NRXN1: variants seen among roughly 807,000 people sequenced by gnomAD.
NRXN1 encodes the protein neurexin 1.
NRXN1 carries 39 observed loss-of-function variants against 150.9 expected under a neutral mutation model. That is an observed-to-expected ratio of 0.26 (90% confidence interval 0.20 to 0.34). NRXN1 has a LOEUF of 0.34. Ranked by LOEUF, NRXN1 falls within the 10% of genes least tolerant of loss-of-function variation. The probability of loss-of-function intolerance (pLI) is 1.00; values close to 1 mark genes in which losing one functional copy is unlikely to be tolerated. For synonymous variants in NRXN1, 924 were observed against 757.0 expected (o/e 1.22, Z -3.62); for missense variants, 1,815 against 1,949.9 (o/e 0.93, Z 1.30).
At chr2:50,514,651 G>A (rs2105069496) in intron 12 of NRXN1, among the ~76,000 whole-genome samples, 1 of 152,270 alleles carries the variant, frequency 6.6e-6, no homozygotes, top group South Asian at 2.1e-4. Flanking sequence ...CAATGTAAAA[G>A]CAAGCATAGA....
At chr2:50,669,869 C>G (rs1245832195) in intron 5 of NRXN1, among the ~76,000 whole-genome samples, 1 of 134,650 alleles carries the variant, frequency 7.4e-6, no homozygotes, top group Non-Finnish European at 1.6e-5. Context: ...AATCCAAAAA[C>G]AACAACAAAA....
intron 21 of NRXN1, chr2:49,974,020 G>T (rs901138339): frequency 1.4e-6 from 1 of 717,348 alleles, no homozygotes; most frequent in Non-Finnish European, 2.6e-6. Flanking sequence ...GCTACCCTGC[G>T]TGCTTAGAGC....
chr2:50,124,117 A>G (rs2152740076), intron 18 of NRXN1, among the ~76,000 whole-genome samples: 1 of 152,260 alleles, frequency 6.6e-6, no homozygotes, highest in African/African-American at 2.4e-5. Context: ...GGAAAAACAG[A>G]AGAAAACCCA....
chr2:50,594,370 T>C (rs953142560), intron 8 of NRXN1, among the ~76,000 whole-genome samples: 7 of 152,202 alleles, frequency 4.6e-5, no homozygotes, highest in Admixed American at 3.9e-4. Flanking sequence ...CTAATTCATA[T>C]GTTTCTAAGT....
intron 12 of NRXN1, among the ~76,000 whole-genome samples, chr2:50,510,345 G>T (rs2092402610): frequency 6.6e-6 from 1 of 151,800 alleles, no homozygotes; most frequent in Admixed American, 6.6e-5. Flanking sequence ...AAATAGCTGG[G>T]TGTAGTGGCA....
intron 17 of NRXN1, among the ~76,000 whole-genome samples, chr2:50,357,104 CCA>C (rs1162974898): frequency 6.6e-6 from 1 of 151,668 alleles, no homozygotes; most frequent in Non-Finnish European, 1.5e-5. Context: ...TAAGGAGACC[CCA>C]TCTCTACAAA....
intron 19 of NRXN1, among the ~76,000 whole-genome samples, chr2:50,081,749 A>G (rs1045675115): frequency 6.6e-6 from 1 of 152,212 alleles, no homozygotes; most frequent in African/African-American, 2.4e-5. Flanking sequence ...ACTAGCTATT[A>G]TGTATTATCA....
At chr2:50,389,473 T>C (rs984107650) in intron 17 of NRXN1, among the ~76,000 whole-genome samples, 7 of 151,838 alleles carry the variant, frequency 4.6e-5, no homozygotes, top group African/African-American at 1.2e-4. Context: ...ATCAATAATA[T>C]ATGAACATGT....
intron 5 of NRXN1, among the ~76,000 whole-genome samples, chr2:50,793,289 C>G (rs572089130): frequency 3.9e-5 from 6 of 152,106 alleles, no homozygotes; most frequent in African/African-American, 1.4e-4. Flanking sequence ...TGAAAATGTT[C>G]AGATAAATCA....
intron 2 of NRXN1, among the ~76,000 whole-genome samples, chr2:50,936,029 A>C (rs1688495827): frequency 6.6e-6 from 1 of 152,162 alleles, no homozygotes; most frequent in African/African-American, 2.4e-5. Flanking sequence ...ATACATAGTG[A>C]ATGAAATAAG....
chr2:50,171,916 A>C (rs1362803847), intron 18 of NRXN1, among the ~76,000 whole-genome samples: 1 of 152,170 alleles, frequency 6.6e-6, no homozygotes, highest in Non-Finnish European at 1.5e-5. Context: ...AAAAGTCAAA[A>C]GTACATGAGA....
chr2:50,256,286 G>GT (rs2067692725), intron 17 of NRXN1, among the ~76,000 whole-genome samples: 1 of 152,100 alleles, frequency 6.6e-6, no homozygotes, highest in South Asian at 2.1e-4. Flanking sequence ...TGTACCAAAC[G>GT]TTTTTACCCA....
intron 2 of NRXN1, among the ~76,000 whole-genome samples, chr2:50,996,717 A>G (rs1474418007): frequency 1.3e-5 from 2 of 151,930 alleles, no homozygotes; most frequent in African/African-American, 4.8e-5. Context: ...GACTTATTCA[A>G]ATGCAGAAAA....
intron 6 of NRXN1, 138 bp downstream of exon 6, chr2:50,623,176 T>G (rs1680351714): frequency 1.5e-6 from 1 of 650,168 alleles, no homozygotes; most frequent in East Asian, 2.7e-5. Flanking sequence ...GCAGGAAGAT[T>G]CATCTCAGAA....
chr2:50,304,483 A>G (rs1378852893), intron 17 of NRXN1, among the ~76,000 whole-genome samples: 6 of 152,200 alleles, frequency 3.9e-5, no homozygotes, highest in Non-Finnish European at 8.8e-5. Flanking sequence ...TCCATACCAC[A>G]ATAATTCAAA....
chr2:50,795,702 G>A (rs1706726548), intron 5 of NRXN1, among the ~76,000 whole-genome samples: 1 of 152,086 alleles, frequency 6.6e-6, no homozygotes, highest in East Asian at 1.9e-4. Context: ...TCCTCCATGT[G>A]GAACTGCTCA....
At chr2:50,917,147 A>T (rs540516091) in intron 5 of NRXN1, 46 of 151,780 alleles carry the variant, frequency 3.0e-4, no homozygotes, top group South Asian at 2.7e-3. Context: ...AAATTTAAAC[A>T]AATATTCTTA....
intron 18 of NRXN1, among the ~76,000 whole-genome samples, chr2:50,127,034 T>C (rs2152743016): frequency 6.6e-6 from 1 of 152,264 alleles, no homozygotes; most frequent in East Asian, 1.9e-4. Flanking sequence ...AACATCCTCT[T>C]TGTGCTTGCA....
intron 18 of NRXN1, among the ~76,000 whole-genome samples, chr2:50,159,328 T>C (rs774132030): frequency 6.6e-6 from 1 of 152,132 alleles, no homozygotes; most frequent in Admixed American, 6.6e-5. Flanking sequence ...TTGCTCAGAA[T>C]GGAATTTTAC....
Sources: allele counts gnomAD v4.1 joint callset (sites outside exome capture counted in the v4.1 genomes callset), GRCh38; gene constraint gnomAD v4.1.1; transcripts MANE v1.5; gene names NCBI Gene and HGNC (gene_info 2026-07-23, HGNC 2026-07-21).